Variants in LRCH1 observed in about 807,000 individuals in gnomAD.
LRCH1 encodes the protein leucine rich repeats and calponin homology domain containing 1, also known as leucine-rich repeat and calponin homology domain-containing protein 1.
In LRCH1, 23 loss-of-function variants were observed where a neutral mutation model predicts 94.9. The ratio of observed to expected loss-of-function variants is 0.24; its 90% CI spans 0.17 to 0.34. The LOEUF (loss-of-function observed/expected upper bound fraction) is 0.34. Among genes scored for constraint, LRCH1 ranks in the 10% least tolerant of loss-of-function variants. The probability of loss-of-function intolerance (pLI) is 1.00; values close to 1 mark genes in which losing one functional copy is unlikely to be tolerated. For missense variants in LRCH1, 790 were observed against 945.9 expected (o/e 0.84, Z 2.16); for synonymous variants, 364 against 354.9 (o/e 1.03, Z -0.29).
chr13:46,741,726 G>A lies in LRCH1; in HGVS notation c.2170G>A (p.Glu724Lys). ...KTVDTLLALG[E>K]KAPPPTSALR... ...TGTTGACACTCTGCTGGCACTCGGGGAGAAAGCCCCACCACCAACTTCTGC... is the reference window on the plus strand; with the variant it reads ...TGTTGACACTCTGCTGGCACTCGGGAAGAAAGCCCCACCACCAACTTCTGC... The change falls in exon 20 of 20, where the codon GAG (glutamate) becomes AAG (lysine). Residue 724 changes from glutamate to lysine, a missense_variant. This residue lies in a region of LRCH1 where 460 missense variants were observed against 508.9 expected (regional missense o/e 0.90). Transcript: ENST00000389797. 6.2e-7 allele frequency: 1 copy of A among 1,614,218 alleles called. No individual in the cohort carries two copies. Among genetic ancestry groups the A allele is most frequent in the African/African-American group, 1.3e-5 (1 of 75,070 alleles).
intron 4 of LRCH1, among the ~76,000 whole-genome samples, chr13:46,684,099 G>T (rs1451251993): frequency 6.6e-6 from 1 of 152,188 alleles, no homozygotes; most frequent in African/African-American, 2.4e-5. Flanking sequence ...TACAACAACT[G>T]CAATAAGAAG....
chr13:46,686,388 A>G (rs986644084), intron 5 of LRCH1, among the ~76,000 whole-genome samples: 4 of 152,168 alleles, frequency 2.6e-5, no homozygotes, highest in Admixed American at 2.6e-4. Context: ...TCTGAGGATC[A>G]TTCCTTCCTT....
chr13:46,641,757 T>C lies in LRCH1; in HGVS notation c.308-8444T>C, dbSNP rs1334386274. 2.0e-5 allele frequency among the ~76,000 whole-genome samples: 3 copies of C among 152,182 alleles called. No homozygotes were observed. The East Asian group carries it at 5.8e-4, about 29-fold the overall frequency. On this transcript the variant is annotated intron_variant, in intron 1 of 19. Transcript: ENST00000389797. ...CCTCCTGAGACACCACTTTCCTTTT[T>C]CATACAAAAACAACACCGTGCTTCC...
Position 46,612,138 on chromosome 13 carries a change from G to A in LRCH1, c.308-38063G>A, listed in dbSNP as rs182742285. 2.0e-4 allele frequency among the ~76,000 whole-genome samples: 30 copies of A among 152,196 alleles called. No homozygotes were observed. The East Asian group carries it at 5.4e-3, about 27-fold the overall frequency. ...ATAAATGAACTTTATTGGTTAATAG[G>A]TGCAGCAAACCACCATGGCACACAT... On this transcript the variant is annotated intron_variant, in intron 1 of 19. Coordinates refer to ENST00000389797, the MANE Select transcript of LRCH1 (RefSeq NM_001164211.2).
intron 1 of LRCH1, among the ~76,000 whole-genome samples, chr13:46,641,051 G>A (rs1434736966): frequency 6.6e-6 from 1 of 152,116 alleles, no homozygotes; most frequent in Non-Finnish European, 1.5e-5. Context: ...CATGGGTTCT[G>A]CTTTATTGGC....
intron 1 of LRCH1, among the ~76,000 whole-genome samples, chr13:46,632,362 G>A (rs2051028969): frequency 6.6e-6 from 1 of 152,194 alleles, no homozygotes; most frequent in African/African-American, 2.4e-5. Context: ...GGTGCCATAT[G>A]TCTGCCCCAT....
chr13:46,593,960 TAG>T (rs1238498842), intron 1 of LRCH1, among the ~76,000 whole-genome samples: 3 of 152,234 alleles, frequency 2.0e-5, no homozygotes, highest in Admixed American at 6.5e-5. Flanking sequence ...TTTAAGTTGA[TAG>T]AGTCTTAGGT....
intron 2 of LRCH1, 121 bp downstream of exon 2, chr13:46,650,466 C>T: frequency 1.4e-6 from 1 of 740,294 alleles, no homozygotes; most frequent in Non-Finnish European, 2.1e-6. Context: ...GTAGGTCACA[C>T]ACAGATGTTT....
At position 46,693,125 on chromosome 13, in the gene LRCH1, C is replaced by T. The variant is rs372183382; in HGVS notation, c.1120+484C>T. On this transcript the variant is annotated intron_variant, in intron 8 of 19. Coordinates refer to ENST00000389797, the MANE Select transcript of LRCH1 (RefSeq NM_001164211.2). ...TAGCTGGGATTACAGGCACCTGCCA[C>T]CATGCCCGGCTAATTCTTTAAATCC... Among the ~76,000 whole-genome samples, 35 of 152,114 alleles carry T rather than the reference C, an allele frequency of 2.3e-4. No homozygotes were observed. The East Asian group carries it at 3.3e-3, about 14-fold the overall frequency.
intron 1 of LRCH1, among the ~76,000 whole-genome samples, chr13:46,647,088 G>A (rs1441929302): frequency 6.7e-6 from 1 of 150,196 alleles, no homozygotes; most frequent in Non-Finnish European, 1.5e-5. Context: ...ACTCCAGGCT[G>A]GGTGACAGAG....
chr13:46,648,088 C>T (rs1398554257), intron 1 of LRCH1, among the ~76,000 whole-genome samples: 1 of 152,154 alleles, frequency 6.6e-6, no homozygotes, highest in Non-Finnish European at 1.5e-5. Flanking sequence ...GAATCAATGG[C>T]AGCCCTGACC....
rs550373427 is a variant in LRCH1, at chr13:46,572,771, G to A, written c.307+19068G>A. Among the ~76,000 whole-genome samples, 65 of 152,150 alleles carry A rather than the reference G, an allele frequency of 4.3e-4. 1 individual carries two copies. The East Asian group carries it at 0.011, about 26-fold the overall frequency. ...ACATTTCGTAAACTTAAGAGGTGCTGCATTTTTTTTCATTCATTCATCCAT... is the reference window on the plus strand; with the variant it reads ...ACATTTCGTAAACTTAAGAGGTGCTACATTTTTTTTCATTCATTCATCCAT... On this transcript the variant is annotated intron_variant, in intron 1 of 19. Coordinates refer to ENST00000389797, the MANE Select transcript of LRCH1 (RefSeq NM_001164211.2).
chr13:46,634,849 G>T (rs928495966), intron 1 of LRCH1, among the ~76,000 whole-genome samples: 1 of 152,180 alleles, frequency 6.6e-6, no homozygotes, highest in Middle Eastern at 3.4e-3. Context: ...GTTTTTCCTG[G>T]GGCGGGAAGG....
At chr13:46,651,610 A>G (rs9526212) in intron 2 of LRCH1, among the ~76,000 whole-genome samples, 112,559 of 150,242 alleles carry the variant, frequency 0.75, 42,584 homozygotes, top group East Asian at 0.91. Context: ...GCGGTGAGCC[A>G]AGATAGCGCC....
At chr13:46,632,245 C>A (rs1210073665) in intron 1 of LRCH1, among the ~76,000 whole-genome samples, 2 of 151,618 alleles carry the variant, frequency 1.3e-5, no homozygotes, top group African/African-American at 4.8e-5. Context: ...CACTTGATGA[C>A]TTGATGTGTA....
intron 7 of LRCH1, among the ~76,000 whole-genome samples, chr13:46,691,752 C>T (rs6561325): frequency 0.7 from 106,173 of 152,080 alleles, 37,997 homozygotes; most frequent in East Asian, 0.92. Context: ...TGCAGTGGCG[C>T]GATCTTGGCT....
intron 1 of LRCH1, among the ~76,000 whole-genome samples, chr13:46,632,520 A>G (rs2051031180): frequency 6.6e-6 from 1 of 152,234 alleles, no homozygotes; most frequent in South Asian, 2.1e-4. Flanking sequence ...CAGGGGAGAA[A>G]AGAAGATTTT....
At chr13:46,649,998 T>G (rs1362888805) in intron 1 of LRCH1, among the ~76,000 whole-genome samples, 1 of 152,054 alleles carries the variant, frequency 6.6e-6, no homozygotes, top group Non-Finnish European at 1.5e-5. Context: ...TTTTTGCTTT[T>G]CCAAATCCCA....
At chr13:46,577,172 C>T (rs2050313502) in intron 1 of LRCH1, among the ~76,000 whole-genome samples, 2 of 152,208 alleles carry the variant, frequency 1.3e-5, no homozygotes, top group African/African-American at 2.4e-5. Flanking sequence ...TCTCGGCTCA[C>T]TGCAACCTCC....
Sources: gnomAD v4.1 joint callset for allele counts (sites outside exome capture counted in the v4.1 genomes callset) on GRCh38, gnomAD v4.1.1 for gene constraint, gnomAD v4.1.1 regional missense constraint, MANE v1.5 for transcripts, NCBI Gene and HGNC (gene_info 2026-07-23, HGNC 2026-07-21) for gene names.